The following DCC variants were observed in gnomAD, a reference collection of about 807,000 sequenced individuals.
DCC encodes DCC netrin 1 receptor.
DCC carries 58 observed loss-of-function variants against 172.5 expected under a neutral mutation model. The observed-to-expected ratio is 0.34, with a 90% CI of 0.27 to 0.42. DCC has a LOEUF of 0.42. Among genes scored for constraint, DCC ranks in the 10% least tolerant of loss-of-function variants. DCC has a pLI of 1.00. For missense variants in DCC, 1,740 were observed against 1,791.0 expected (o/e 0.97, Z 0.51); for synonymous variants, 709 against 644.5 (o/e 1.10, Z -1.52).
At chr18:53,339,172 A>G (rs370893342) in intron 14 of DCC, among the ~76,000 whole-genome samples, 51 of 152,336 alleles carry the variant, frequency 3.3e-4, no homozygotes, top group African/African-American at 1.2e-3. Context: ...TTCTTTTAAT[A>G]ATAAATGCAT....
chr18:53,053,891 C>G (rs753396484), intron 5 of DCC, among the ~76,000 whole-genome samples: 9 of 152,198 alleles, frequency 5.9e-5, no homozygotes, highest in Middle Eastern at 6.8e-3. Flanking sequence ...AGACGTTTAT[C>G]AATTGTATAT....
intron 12 of DCC, among the ~76,000 whole-genome samples, chr18:53,221,187 A>G (rs2055927379): frequency 6.6e-6 from 1 of 152,094 alleles, no homozygotes; most frequent in Admixed American, 6.6e-5. Flanking sequence ...TTAAATACAA[A>G]TTTAAGCATT....
intron 22 of DCC, among the ~76,000 whole-genome samples, chr18:53,446,447 C>T (rs962407437): frequency 2.0e-5 from 3 of 152,150 alleles, no homozygotes; most frequent in African/African-American, 7.2e-5. Flanking sequence ...GCAGCTTCCC[C>T]ACTGAAGCTG....
Position 53,397,290 on chromosome 18 carries a change from T to C in DCC, c.2689-18T>C, listed in dbSNP as rs760617578. The C allele has an allele frequency of 1.2e-6, 2 of 1,611,174 alleles. No homozygotes were observed. Among genetic ancestry groups the C allele is most frequent in the Middle Eastern group, 1.7e-4 (1 of 6,054 alleles). ...TAGAGTTTATTTTTTATCTCTTTGC[T>C]ATTTCCTACTTGTATAGTCAGAAGA... On this transcript the variant is annotated intron_variant, in intron 17 of 28. Transcript: ENST00000442544.
rs148287442 is a variant in DCC, at chr18:52,524,789, G to T, written c.91+183911G>T. Reference sequence around the variant, plus strand: ...GTGGTGGGAGAGGTAGGAAAGAAAAGAGCATATTTTTCTAATTAGCAGTTC... The same window carrying T: ...GTGGTGGGAGAGGTAGGAAAGAAAATAGCATATTTTTCTAATTAGCAGTTC... On this transcript the variant is annotated intron_variant, in intron 1 of 28. Transcript: ENST00000442544. 1.1e-3 allele frequency among the ~76,000 whole-genome samples: 171 copies of T among 152,206 alleles called. 2 individuals carry two copies. In the East Asian group the frequency reaches 0.031, roughly 27 times the overall value.
chr18:53,147,067 T>C (rs2043926460), intron 7 of DCC, among the ~76,000 whole-genome samples: 1 of 152,250 alleles, frequency 6.6e-6, no homozygotes, highest in South Asian at 2.1e-4. Flanking sequence ...TAATGTGTTT[T>C]ATTAATCATC....
chr18:52,381,433 AT>A (rs1242203872), intron 1 of DCC, among the ~76,000 whole-genome samples: 1 of 152,134 alleles, frequency 6.6e-6, no homozygotes, highest in African/African-American at 2.4e-5. Flanking sequence ...GCTGATACAT[AT>A]TTCATTGGGC....
chr18:52,389,233 G>A (rs889082837), intron 1 of DCC, among the ~76,000 whole-genome samples: 10 of 152,022 alleles, frequency 6.6e-5, no homozygotes, highest in Admixed American at 6.6e-4. Context: ...AGACATTTTT[G>A]GTTGTCACAC....
intron 7 of DCC, among the ~76,000 whole-genome samples, chr18:53,135,175 G>C (rs1411228859): frequency 1.3e-5 from 2 of 152,142 alleles, no homozygotes; most frequent in Admixed American, 6.6e-5. Flanking sequence ...AGACTGACGG[G>C]AAAACTATGC....
At chr18:53,076,421 A>C (rs559348540) in intron 7 of DCC, among the ~76,000 whole-genome samples, 1 of 152,248 alleles carries the variant, frequency 6.6e-6, no homozygotes, top group Non-Finnish European at 1.5e-5. Context: ...AGAAAAAGGT[A>C]TCCCTTTTGC....
At chr18:52,742,828 G>A (rs192545258) in intron 1 of DCC, among the ~76,000 whole-genome samples, 76 of 152,194 alleles carry the variant, frequency 5.0e-4, no homozygotes, top group East Asian at 2.9e-3. Context: ...AAGAATGGGC[G>A]TAGAAGGATC....
intron 1 of DCC, among the ~76,000 whole-genome samples, chr18:52,470,622 C>G (rs117264463): frequency 2.6e-5 from 4 of 152,204 alleles, no homozygotes; most frequent in Non-Finnish European, 5.9e-5. Flanking sequence ...AGAACTCAGC[C>G]AATGGATGAC....
intron 12 of DCC, among the ~76,000 whole-genome samples, chr18:53,217,292 CACACACACAT>C (rs1243981826): frequency 0.042 from 5,326 of 126,114 alleles, 320 homozygotes; most frequent in African/African-American, 0.18. Context: ...CACACACACA[CACACACACAT>C]ATGTATATAC....
intron 1 of DCC, among the ~76,000 whole-genome samples, chr18:52,724,855 T>A (rs1416875239): frequency 6.6e-6 from 1 of 152,052 alleles, no homozygotes; most frequent in Admixed American, 6.6e-5. Flanking sequence ...CTAGACGGAG[T>A]CTTGGTCTTC....
chr18:53,195,894 A>G (rs2055436527), intron 9 of DCC, among the ~76,000 whole-genome samples: 1 of 152,210 alleles, frequency 6.6e-6, no homozygotes, highest in Non-Finnish European at 1.5e-5. Flanking sequence ...GTTCATTTCT[A>G]GGTGTTTTCT....
At chr18:52,436,072 A>T (rs564996848) in intron 1 of DCC, among the ~76,000 whole-genome samples, 8 of 152,142 alleles carry the variant, frequency 5.3e-5, no homozygotes, top group Non-Finnish European at 1.0e-4. Context: ...TGCCCCTCAG[A>T]TCTTAGTTTT....
At chr18:53,008,572 A>G (rs760417841) in intron 5 of DCC, among the ~76,000 whole-genome samples, 2 of 152,218 alleles carry the variant, frequency 1.3e-5, no homozygotes, top group African/African-American at 4.8e-5. Context: ...CATATTAAAT[A>G]TTACATAAGT....
At chr18:52,594,707 C>T (rs1007233326) in intron 1 of DCC, among the ~76,000 whole-genome samples, 2 of 152,134 alleles carry the variant, frequency 1.3e-5, no homozygotes, top group Admixed American at 1.3e-4. Context: ...AGCTTTTACT[C>T]ATGGCAGAAG....
intron 1 of DCC, among the ~76,000 whole-genome samples, chr18:52,345,739 G>T (rs909263491): frequency 8.2e-4 from 125 of 152,324 alleles, no homozygotes; most frequent in African/African-American, 2.9e-3. Flanking sequence ...AGGTCAGGGG[G>T]ATTTGCCTTA....
Sources: gnomAD v4.1 joint callset for allele counts (sites outside exome capture counted in the v4.1 genomes callset) on GRCh38, gnomAD v4.1.1 for gene constraint, MANE v1.5 for transcripts, NCBI Gene and HGNC (gene_info 2026-07-23, HGNC 2026-07-21) for gene names.